Variants in CHRNA7 observed in about 807,000 individuals in gnomAD.
The protein encoded by CHRNA7 is neuronal acetylcholine receptor subunit alpha-7.
In CHRNA7, 17 loss-of-function variants were observed where a neutral mutation model predicts 48.0. The observed-to-expected ratio is 0.35, with a 90% CI of 0.24 to 0.53. The LOEUF (loss-of-function observed/expected upper bound fraction) is 0.53. Among genes scored for constraint, CHRNA7 ranks in the 20% least tolerant of loss-of-function variants. CHRNA7 has a pLI of 0.92. For missense variants in CHRNA7, 155 were observed against 577.7 expected, an observed-to-expected ratio of 0.27 and a Z score of 7.50; for synonymous variants, 75 against 242.3, an observed-to-expected ratio of 0.31 and a Z score of 6.41.
chr15:32,108,368 G>A (rs956361676), intron 3 of CHRNA7, among the ~76,000 whole-genome samples: 1 of 152,288 alleles, frequency 6.6e-6, no homozygotes, highest in African/African-American at 2.4e-5. Context: ...TGATTGTCTG[G>A]GAGTCTAGGT....
chr15:32,054,839 C>T (rs1012142883), intron 2 of CHRNA7, among the ~76,000 whole-genome samples: 1 of 152,218 alleles, frequency 6.6e-6, no homozygotes, highest in Non-Finnish European at 1.5e-5. Context: ...CTTTCAAGAA[C>T]ACTTCAAGGA....
intron 2 of CHRNA7, among the ~76,000 whole-genome samples, chr15:32,048,798 T>A (rs948259850): frequency 6.6e-6 from 1 of 152,090 alleles, no homozygotes; most frequent in Admixed American, 6.5e-5. Context: ...CTTTCTCTTG[T>A]GGGCATTTAG....
At chr15:32,158,979 G>A (rs933739183) in intron 7 of CHRNA7, 6 of 236,316 alleles carry the variant, frequency 2.5e-5, no homozygotes, top group African/African-American at 1.4e-4. Flanking sequence ...GCATTTGTAT[G>A]TTACAGTACC....
At chr15:32,035,406 A>G (rs1219647558) in intron 2 of CHRNA7, among the ~76,000 whole-genome samples, 1 of 152,252 alleles carries the variant, frequency 6.6e-6, no homozygotes, top group South Asian at 2.1e-4. Context: ...ATGTAATTAT[A>G]TACAAATGTA....
chr15:32,030,870 C>G, intron 1 of CHRNA7, 28 bp from the exon 2 acceptor site: 1 of 1,609,966 alleles, frequency 6.2e-7, no homozygotes, highest in Non-Finnish European at 8.5e-7. Flanking sequence ...CTGCCCTGAG[C>G]CCCCTGCCCG....
chr15:32,039,402 T>C (rs1416971135), intron 2 of CHRNA7, among the ~76,000 whole-genome samples: 2 of 152,210 alleles, frequency 1.3e-5, no homozygotes, highest in Admixed American at 1.3e-4. Flanking sequence ...TTCAGGGCTA[T>C]AGATTTTCGC....
intron 3 of CHRNA7, among the ~76,000 whole-genome samples, chr15:32,104,272 G>C (rs2050623597): frequency 6.6e-6 from 1 of 150,824 alleles, no homozygotes; most frequent in Non-Finnish European, 1.5e-5. Flanking sequence ...CCGAGCCCGT[G>C]CCCCCCCCTC....
At chr15:32,113,667 G>C (rs35640276) in intron 4 of CHRNA7, among the ~76,000 whole-genome samples, 23,570 of 152,070 alleles carry the variant, frequency 0.15, 2,310 homozygotes, top group Middle Eastern at 0.25. Context: ...CACACATTCC[G>C]TAAAGGCAGT....
rs1256834418 is a variant in CHRNA7, at chr15:32,044,255, C to CCTTCCTTCCTTCCTTCCTTT, written c.195+13237_195+13238insTCTTCCTTCCTTCCTTCCTT. On this transcript the variant is annotated intron_variant, in intron 2 of 9. Transcript: ENST00000306901. ...TTGCCAGATCGATCGATCTTTTCCT[C>CCTTCCTTCCTTCCTTCCTTT]CTTCCTTCCTTCCTTCCTTCCTTCC... 8.7e-4 allele frequency among the ~76,000 whole-genome samples: 128 copies of CCTTCCTTCCTTCCTTCCTTT among 146,508 alleles called. 1 individual carries two copies. Among genetic ancestry groups the CCTTCCTTCCTTCCTTCCTTT allele is most frequent in the Non-Finnish European group, 1.6e-3 (109 of 67,298 alleles).
At chr15:32,126,314 C>CT in intron 4 of CHRNA7, among the ~76,000 whole-genome samples, 1 of 152,174 alleles carries the variant, frequency 6.6e-6, no homozygotes, top group East Asian at 1.9e-4. Context: ...GGGTTCATGG[C>CT]TTCATAAAGA....
intron 2 of CHRNA7, among the ~76,000 whole-genome samples, chr15:32,076,925 A>G (rs1402362144): frequency 1.3e-5 from 2 of 152,082 alleles, no homozygotes; most frequent in Non-Finnish European, 2.9e-5. Flanking sequence ...TCTCTGCTCC[A>G]CCTAGTCATC....
At chr15:32,061,602 A>G (rs1261343534) in intron 2 of CHRNA7, among the ~76,000 whole-genome samples, 2 of 152,160 alleles carry the variant, frequency 1.3e-5, no homozygotes, top group Non-Finnish European at 2.9e-5. Flanking sequence ...GAGGTAAGGA[A>G]TTTGAGACCA....
chr15:32,145,368 G>A (rs181673186), intron 4 of CHRNA7, among the ~76,000 whole-genome samples: 411 of 152,288 alleles, frequency 2.7e-3, no homozygotes, highest in African/African-American at 9.1e-3. Flanking sequence ...CAGGCTACAC[G>A]GGGGTCAGGG....
At chr15:32,151,037 C>CTAA (rs1257370184) in intron 4 of CHRNA7, among the ~76,000 whole-genome samples, 3 of 151,880 alleles carry the variant, frequency 2.0e-5, no homozygotes, top group African/African-American at 7.3e-5. Flanking sequence ...CCCCCTTATC[C>CTAA]CCCTTTCTTC....
chr15:32,093,046 GA>G (rs2050408477), intron 2 of CHRNA7, among the ~76,000 whole-genome samples: 1 of 152,204 alleles, frequency 6.6e-6, no homozygotes, highest in Non-Finnish European at 1.5e-5. Flanking sequence ...AACACTCAAG[GA>G]AATTCCTGAA....
chr15:32,091,631 A>G (rs2050383374), intron 2 of CHRNA7, among the ~76,000 whole-genome samples: 1 of 152,134 alleles, frequency 6.6e-6, no homozygotes, highest in Non-Finnish European at 1.5e-5. Context: ...AATTTCCTGG[A>G]CCATGCTGGT....
At chr15:32,112,540 T>G (rs1319349362) in intron 4 of CHRNA7, among the ~76,000 whole-genome samples, 1 of 152,230 alleles carries the variant, frequency 6.6e-6, no homozygotes, top group Admixed American at 6.5e-5. Flanking sequence ...AGGGTAAGTT[T>G]CTAGAAGCAG....
intron 4 of CHRNA7, among the ~76,000 whole-genome samples, chr15:32,128,733 T>A (rs1189805811): frequency 6.6e-6 from 1 of 151,880 alleles, no homozygotes; most frequent in African/African-American, 2.4e-5. Flanking sequence ...TTTAAATTTC[T>A]TTCTGATTTC....
chr15:32,109,062 T>G (rs2050720503), intron 3 of CHRNA7, among the ~76,000 whole-genome samples: 1 of 152,090 alleles, frequency 6.6e-6, no homozygotes. Context: ...TGAGAAAGAA[T>G]TCAGGGCGTG....
Sources: allele counts gnomAD v4.1 joint callset (sites outside exome capture counted in the v4.1 genomes callset), GRCh38; gene constraint gnomAD v4.1.1; transcripts MANE v1.5; gene names NCBI Gene and HGNC (gene_info 2026-07-23, HGNC 2026-07-21).